ZBTB16: variants seen among roughly 807,000 people sequenced by gnomAD.
The protein encoded by ZBTB16 is zinc finger and BTB domain-containing protein 16.
In ZBTB16, 8 loss-of-function variants were observed where a neutral mutation model predicts 56.8. The observed-to-expected ratio is 0.14, with a 90% CI of 0.08 to 0.25. The LOEUF (loss-of-function observed/expected upper bound fraction) is 0.25. Ranked by LOEUF, ZBTB16 falls within the 10% of genes least tolerant of loss-of-function variation. The probability of loss-of-function intolerance (pLI) is 1.00; values close to 1 mark genes in which losing one functional copy is unlikely to be tolerated. For missense variants in ZBTB16, 625 were observed against 903.0 expected, an observed-to-expected ratio of 0.69 and a Z score of 3.95; for synonymous variants, 363 against 368.5, an observed-to-expected ratio of 0.98 and a Z score of 0.17.
chr11:114,208,000 C>T (rs1034784930), intron 4 of ZBTB16, among the ~76,000 whole-genome samples: 40 of 152,172 alleles, frequency 2.6e-4, no homozygotes, highest in African/African-American at 9.2e-4. Flanking sequence ...CCACCCACTT[C>T]GGCCTCCCAA....
At chr11:114,135,754 T>C (rs574238260) in intron 2 of ZBTB16, among the ~76,000 whole-genome samples, 5 of 152,322 alleles carry the variant, frequency 3.3e-5, no homozygotes, top group African/African-American at 1.2e-4. Context: ...GGAACTAATA[T>C]AGTGAGGCAG....
intron 4 of ZBTB16, among the ~76,000 whole-genome samples, chr11:114,211,634 G>A (rs775816492): frequency 1.3e-5 from 2 of 151,950 alleles, no homozygotes; most frequent in Admixed American, 6.5e-5. Flanking sequence ...CCCCTCCCCC[G>A]CATTGGGGTG....
intron 4 of ZBTB16, among the ~76,000 whole-genome samples, chr11:114,231,712 G>A (rs1166977741): frequency 6.6e-6 from 1 of 152,172 alleles, no homozygotes; most frequent in East Asian, 1.9e-4. Flanking sequence ...GCCTAAGAAT[G>A]TGGTTCCTTT....
intron 3 of ZBTB16, among the ~76,000 whole-genome samples, chr11:114,179,535 C>T (rs1340982619): frequency 2.6e-5 from 4 of 152,064 alleles, no homozygotes; most frequent in Admixed American, 1.3e-4. Context: ...TGTAAGCAGG[C>T]GTGCAGATCT....
intron 2 of ZBTB16, among the ~76,000 whole-genome samples, chr11:114,119,213 C>T (rs1591684652): frequency 1.5e-5 from 2 of 134,816 alleles, no homozygotes; most frequent in Admixed American, 8.7e-5. Flanking sequence ...TGCAGTGAGC[C>T]GAAACCACAC....
chr11:114,079,939 A>G (rs1251702016), intron 2 of ZBTB16, among the ~76,000 whole-genome samples: 1 of 152,140 alleles, frequency 6.6e-6, no homozygotes, highest in Non-Finnish European at 1.5e-5. Flanking sequence ...ATGTTTCTGC[A>G]TTTGTGGTTT....
At chr11:114,091,822 GC>G (rs1202753147) in intron 2 of ZBTB16, among the ~76,000 whole-genome samples, 1 of 151,868 alleles carries the variant, frequency 6.6e-6, no homozygotes, top group Non-Finnish European at 1.5e-5. Flanking sequence ...AAACCAAATG[GC>G]CTCCCCTCCC....
chr11:114,186,998 G>A lies in ZBTB16; in HGVS notation c.1413G>A (p.Ser471=), dbSNP rs202099154. 5.8e-5 allele frequency: 93 copies of A among 1,613,968 alleles called. No individual in the cohort carries two copies. Among genetic ancestry groups the A allele is most frequent in the East Asian group, 3.1e-4 (14 of 44,862 alleles). Residue 471 remains serine (S), a synonymous_variant, in exon 4 of 7, where the codon TCG becomes TCA. Coordinates refer to ENST00000335953, the MANE Select transcript of ZBTB16 (RefSeq NM_006006.6). The stretch of plus-strand genomic sequence containing the variant: ...GTGATCAGTGCGGTGCACAGTTTTC[G>A]AAGGAGGATGCCCTGGAGACACACA... The part of the protein sequence containing the change: ...FVCDQCGAQF[S]KEDALETHRQ...
intron 6 of ZBTB16, among the ~76,000 whole-genome samples, chr11:114,249,961 T>C (rs1275918785): frequency 4.6e-5 from 7 of 152,022 alleles, no homozygotes; most frequent in Admixed American, 4.6e-4. Flanking sequence ...CTTTGGGGCC[T>C]TTCTCTTTCT....
chr11:114,213,195 G>A (rs894467523), intron 4 of ZBTB16, among the ~76,000 whole-genome samples: 2 of 152,064 alleles, frequency 1.3e-5, no homozygotes, highest in Non-Finnish European at 2.9e-5. Context: ...TTTTGGTGAC[G>A]TGAGGCCTTG....
intron 2 of ZBTB16, among the ~76,000 whole-genome samples, chr11:114,151,262 A>G (rs1028695462): frequency 6.6e-6 from 1 of 152,198 alleles, no homozygotes; most frequent in Non-Finnish European, 1.5e-5. Flanking sequence ...TGACTTTTGC[A>G]TGTGGAGTGG....
intron 4 of ZBTB16, among the ~76,000 whole-genome samples, chr11:114,221,223 C>T (rs1944226346): frequency 6.6e-6 from 1 of 152,146 alleles, no homozygotes; most frequent in Admixed American, 6.5e-5. Flanking sequence ...ACAGATACTC[C>T]CTGGAGAGAG....
At chr11:114,117,621 T>G (rs1299274319) in intron 2 of ZBTB16, among the ~76,000 whole-genome samples, 1 of 152,050 alleles carries the variant, frequency 6.6e-6, no homozygotes, top group Non-Finnish European at 1.5e-5. Context: ...GAGAAGGAGT[T>G]CTGGGTGGAA....
chr11:114,094,054 G>A (rs1402254659), intron 2 of ZBTB16, among the ~76,000 whole-genome samples: 4 of 152,186 alleles, frequency 2.6e-5, no homozygotes, highest in Non-Finnish European at 5.9e-5. Context: ...GGTGGCTCAC[G>A]CCTGTAATCC....
At chr11:114,118,057 T>A (rs188721965) in intron 2 of ZBTB16, among the ~76,000 whole-genome samples, 1 of 152,210 alleles carries the variant, frequency 6.6e-6, no homozygotes, top group East Asian at 1.9e-4. Flanking sequence ...GAGGCACAAC[T>A]GACTTAATCA....
chr11:114,233,079 G>GCA lies in ZBTB16; in HGVS notation c.1454-9087_1454-9086insAC, dbSNP rs781149248. 2.7e-3 allele frequency among the ~76,000 whole-genome samples: 144 copies of GCA among 53,736 alleles called. 1 individual carries two copies. Among genetic ancestry groups the GCA allele is most frequent in the African/African-American group, 8.1e-3 (133 of 16,482 alleles). 35.3% of individuals were successfully genotyped at this position (53,736 alleles called of 152,430 possible). ...TGCACATACGCATGCGCGCGCGCGC[G>GCA]CGCACACACACACACACACACACAC... is the stretch of plus-strand genomic sequence containing the variant. On this transcript the variant is annotated intron_variant, in intron 4 of 6. Transcript: ENST00000335953.
intron 2 of ZBTB16, among the ~76,000 whole-genome samples, chr11:114,089,194 C>G (rs1444751787): frequency 6.6e-6 from 1 of 152,154 alleles, no homozygotes; most frequent in Non-Finnish European, 1.5e-5. Context: ...TGGGGCTTTC[C>G]TATGGATGAT....
In ZBTB16 at chr11:114,253,110, G is replaced by A. The variant is rs908651894; in HGVS notation, c.*2555G>A. Among the ~76,000 whole-genome samples, 12 of 152,264 alleles carry A rather than the reference G, an allele frequency of 7.9e-5. No individual in the cohort carries two copies. Among genetic ancestry groups the A allele is most frequent in the African/African-American group, 2.9e-4 (12 of 41,530 alleles). ...TCCTCCTCTGGTCTGGGAAGAAGCG[G>A]GGACTGGCTGGCCCTCAGGGGATCT... On this transcript the variant is annotated 3_prime_UTR_variant, in exon 7 of 7. Coordinates refer to ENST00000335953, the MANE Select transcript of ZBTB16 (RefSeq NM_006006.6).
chr11:114,136,206 TA>T (rs1441613008), intron 2 of ZBTB16, among the ~76,000 whole-genome samples: 1 of 152,246 alleles, frequency 6.6e-6, no homozygotes, highest in Non-Finnish European at 1.5e-5. Flanking sequence ...GTGTAGTTTT[TA>T]AAATAAGCGA....
Sources: gnomAD v4.1 joint callset for allele counts (sites outside exome capture counted in the v4.1 genomes callset) on GRCh38, gnomAD v4.1.1 for gene constraint, MANE v1.5 for transcripts, NCBI Gene and HGNC (gene_info 2026-07-23, HGNC 2026-07-21) for gene names.